The following CDH23 variants were observed in gnomAD, a reference collection of about 807,000 sequenced individuals.
CDH23 encodes cadherin-23.
Under a neutral mutation model 317.1 loss-of-function variants are expected in CDH23, and 189 were observed. That is an observed-to-expected ratio of 0.60 (90% confidence interval 0.53 to 0.67). CDH23 has a LOEUF of 0.67. CDH23 is among the 30% of genes least tolerant of loss of function. The probability of loss-of-function intolerance (pLI) is 0.00; values close to 1 mark genes in which losing one functional copy is unlikely to be tolerated. For synonymous variants in CDH23, 1,839 were observed against 1,876.8 expected (o/e 0.98, Z 0.52); for missense variants, 4,401 against 4,592.4 (o/e 0.96, Z 1.20).
intron 3 of CDH23, 150 bp downstream of exon 3, chr10:71,446,545 C>T: frequency 1.4e-6 from 1 of 722,832 alleles, no homozygotes; most frequent in South Asian, 1.7e-5. Context: ...AGGATGCCTC[C>T]AGGGACAGGG....
chr10:71,503,855 C>G (rs972023554), intron 3 of CDH23, among the ~76,000 whole-genome samples: 35 of 152,016 alleles, frequency 2.3e-4, no homozygotes, highest in Non-Finnish European at 4.6e-4. Flanking sequence ...AGGAACCTTC[C>G]CAGCCAAAGG....
At chr10:71,406,602 C>T (rs1291831609) in intron 1 of CDH23, among the ~76,000 whole-genome samples, 3 of 152,156 alleles carry the variant, frequency 2.0e-5, no homozygotes, top group Non-Finnish European at 2.9e-5. Context: ...TGCTAAGCAG[C>T]AGTACAGAAC....
At chr10:71,589,115 A>G (rs557329152) in intron 9 of CDH23, among the ~76,000 whole-genome samples, 82 of 146,278 alleles carry the variant, frequency 5.6e-4, no homozygotes, top group African/African-American at 1.9e-3. Flanking sequence ...TACAGAGCCC[A>G]TTGTTTAAAG....
intron 18 of CDH23, among the ~76,000 whole-genome samples, chr10:71,687,257 G>A (rs1227088): frequency 0.33 from 50,709 of 152,058 alleles, 8,964 homozygotes; most frequent in South Asian, 0.41. Context: ...ACCTACGCAG[G>A]GGTCCAAGTG....
intron 28 of CDH23, among the ~76,000 whole-genome samples, chr10:71,720,905 G>A (rs968025170): frequency 6.6e-6 from 1 of 152,188 alleles, no homozygotes; most frequent in South Asian, 2.1e-4. Context: ...GGGTGGGCAG[G>A]GGCAGGCAGT....
In CDH23 at chr10:71,547,555, A is replaced by T. The variant is rs547314706; in HGVS notation, c.430-19187A>T. On this transcript the variant is annotated intron_variant, in intron 6 of 69. Transcript: ENST00000224721. ...AATAGGGTTGTGGCGACACGCCCAG[A>T]TATGTATTTCAGGGCATTCATAGCG... is the stretch of plus-strand genomic sequence containing the variant. Among the ~76,000 whole-genome samples, 5 of 152,298 alleles carry T rather than the reference A, an allele frequency of 3.3e-5. 1 individual carries two copies. In the South Asian group the frequency reaches 1.0e-3, roughly 32 times the overall value.
chr10:71,657,566 C>T (rs1015817272), intron 14 of CDH23, among the ~76,000 whole-genome samples: 1 of 152,150 alleles, frequency 6.6e-6, no homozygotes, highest in Non-Finnish European at 1.5e-5. Flanking sequence ...AGAGGTAGGC[C>T]CGGTCCACAG....
At chr10:71,671,168 C>T (rs1864131051) in intron 14 of CDH23, among the ~76,000 whole-genome samples, 1 of 152,008 alleles carries the variant, frequency 6.6e-6, no homozygotes, top group Non-Finnish European at 1.5e-5. Context: ...CCATGTTGAC[C>T]AGACTGGTCT....
intron 1 of CDH23, among the ~76,000 whole-genome samples, chr10:71,403,638 T>G (rs1306880391): frequency 6.6e-6 from 1 of 150,918 alleles, no homozygotes; most frequent in Non-Finnish European, 1.5e-5. Flanking sequence ...TGCCTCAGCC[T>G]CCCAAGTAGC....
At chr10:71,657,916 CACAT>C (rs1314664446) in intron 14 of CDH23, among the ~76,000 whole-genome samples, 2 of 138,322 alleles carry the variant, frequency 1.4e-5, no homozygotes, top group Admixed American at 1.4e-4. Flanking sequence ...TAGAGAGGGA[CACAT>C]ACACACACAC....
chr10:71,609,544 G>A (rs1860734241), intron 9 of CDH23, among the ~76,000 whole-genome samples: 1 of 152,124 alleles, frequency 6.6e-6, no homozygotes, highest in South Asian at 2.1e-4. Flanking sequence ...TCCTCTTCCT[G>A]AGCTCTCTGC....
At chr10:71,748,304 C>G (rs1839904487) in intron 38 of CDH23, 1 of 152,426 alleles carries the variant, frequency 6.6e-6, no homozygotes, top group African/African-American at 2.4e-5. Flanking sequence ...AGGCAGAAGT[C>G]TTTTGAAAAG....
At chr10:71,669,345 C>T (rs1010656914) in intron 14 of CDH23, among the ~76,000 whole-genome samples, 4 of 152,238 alleles carry the variant, frequency 2.6e-5, no homozygotes, top group Admixed American at 1.3e-4. Context: ...GCCTCAGTGA[C>T]CTTCAAGCCC....
At chr10:71,408,352 T>C (rs1467231939) in intron 1 of CDH23, among the ~76,000 whole-genome samples, 1 of 151,908 alleles carries the variant, frequency 6.6e-6, no homozygotes, top group Non-Finnish European at 1.5e-5. Flanking sequence ...CAATTCAGGA[T>C]GTGTGTGTGT....
At chr10:71,573,094 T>G (rs891966724) in intron 8 of CDH23, among the ~76,000 whole-genome samples, 1 of 152,236 alleles carries the variant, frequency 6.6e-6, no homozygotes, top group Non-Finnish European at 1.5e-5. Context: ...CTCCCTCTCC[T>G]TAGGGTTTTA....
intron 38 of CDH23, among the ~76,000 whole-genome samples, chr10:71,761,096 T>C (rs1202378225): frequency 1.3e-5 from 2 of 151,856 alleles, no homozygotes; most frequent in Non-Finnish European, 2.9e-5. Context: ...CCCTGGCATG[T>C]TCTCACCCTG....
chr10:71,517,754 G>C (rs1053483697), intron 6 of CDH23, among the ~76,000 whole-genome samples: 1 of 152,218 alleles, frequency 6.6e-6, no homozygotes, highest in South Asian at 2.1e-4. Flanking sequence ...ATCTGGGAGA[G>C]GGAGACCAAT....
intron 66 of CDH23, 34 bp downstream of exon 66, chr10:71,812,049 C>A (rs755977906): frequency 6.2e-7 from 1 of 1,613,940 alleles, no homozygotes; most frequent in Non-Finnish European, 8.5e-7. Flanking sequence ...CGGTCCCCTG[C>A]GGGGAGTCCT....
At chr10:71,645,512 G>T (rs141890766) in intron 12 of CDH23, 4 of 499,602 alleles carry the variant, frequency 8.0e-6, no homozygotes, top group South Asian at 4.8e-5. Context: ...CGGTCCCTCC[G>T]CAGCTGGGGT....
Sources: gnomAD v4.1 joint callset for allele counts (sites outside exome capture counted in the v4.1 genomes callset) on GRCh38, gnomAD v4.1.1 for gene constraint, MANE v1.5 for transcripts, NCBI Gene and HGNC (gene_info 2026-07-23, HGNC 2026-07-21) for gene names.